RPS6KA6: variants seen among roughly 807,000 people sequenced by gnomAD.
The protein encoded by RPS6KA6 is ribosomal protein S6 kinase alpha-6.
Under a neutral mutation model 65.4 loss-of-function variants are expected in RPS6KA6, and 27 were observed. The ratio of observed to expected loss-of-function variants is 0.41; its 90% CI spans 0.30 to 0.57. The LOEUF (loss-of-function observed/expected upper bound fraction) is 0.57. Among genes scored for constraint, RPS6KA6 ranks in the 20% least tolerant of loss-of-function variants. The pLI is 0.24. For synonymous variants in RPS6KA6, 190 were observed against 184.2 expected (o/e 1.03, Z -0.26); for missense variants, 486 against 555.6 (o/e 0.87, Z 1.26).
intron 8 of RPS6KA6, among the ~76,000 whole-genome samples, chrX:84,125,554 C>T (rs990060606): frequency 2.9e-4 from 32 of 111,039 alleles, no homozygotes; most frequent in African/African-American, 1.0e-3. Flanking sequence ...AACAGATATG[C>T]AAAAAATAAA....
At chrX:84,148,868 A>G (rs1429389962) in intron 3 of RPS6KA6, among the ~76,000 whole-genome samples, 1 of 111,300 alleles carries the variant, frequency 9.0e-6, no homozygotes, top group African/African-American at 3.3e-5. Context: ...ATTTCCTAAA[A>G]TAAGACAATG....
chrX:84,121,070 T>A (rs2034663021), intron 8 of RPS6KA6, among the ~76,000 whole-genome samples: 2 of 112,543 alleles, frequency 1.8e-5, no homozygotes, highest in African/African-American at 6.4e-5. Context: ...GCAATTGATA[T>A]CTTAGCAAAC....
intron 20 of RPS6KA6, among the ~76,000 whole-genome samples, chrX:84,085,284 G>A (rs181931072): frequency 1.9e-4 from 21 of 111,558 alleles, no homozygotes; most frequent in Admixed American, 1.6e-3. Flanking sequence ...TGTTTTCAAG[G>A]GGAATTCTTC....
chrX:84,067,888 A>G (rs1361319149), intron 20 of RPS6KA6, among the ~76,000 whole-genome samples: 1 of 112,074 alleles, frequency 8.9e-6, no homozygotes, highest in African/African-American at 3.2e-5. Flanking sequence ...GTTAACCTAC[A>G]AAGGGAAGCT....
At chrX:84,180,524 ATT>A (rs1441503708) in intron 1 of RPS6KA6, among the ~76,000 whole-genome samples, 41 of 111,647 alleles carry the variant, frequency 3.7e-4, no homozygotes, top group Admixed American at 3.8e-4. Flanking sequence ...CATTGTCTTT[ATT>A]ATAGTTACAT....
At chrX:84,156,050 A>C (rs2035410979) in intron 3 of RPS6KA6, 25 bp downstream of exon 3, 1 of 927,177 alleles carries the variant, frequency 1.1e-6, no homozygotes, top group African/African-American at 1.9e-5. Context: ...AAGAGGAACA[A>C]ATGGGGAAAA....
intron 1 of RPS6KA6, among the ~76,000 whole-genome samples, chrX:84,165,745 C>T (rs912916738): frequency 5.4e-5 from 6 of 110,869 alleles, no homozygotes; most frequent in African/African-American, 2.0e-4. Context: ...GAAAAGAGGT[C>T]CCTTTTATAA....
chrX:84,117,539 T>C (rs1009276979), intron 9 of RPS6KA6, 85 bp from the exon 10 acceptor site: 2 of 524,128 alleles, frequency 3.8e-6, no homozygotes, highest in East Asian at 8.3e-5. Context: ...CTGAGACTTC[T>C]ATATAATCAT....
intron 20 of RPS6KA6, among the ~76,000 whole-genome samples, chrX:84,089,180 C>T: frequency 8.9e-6 from 1 of 112,287 alleles, no homozygotes; most frequent in South Asian, 3.7e-4. Context: ...GGCACAGCTG[C>T]TGTGCTGCTT....
chrX:84,166,547 GA>G (rs1416215143), intron 1 of RPS6KA6, among the ~76,000 whole-genome samples: 12 of 111,324 alleles, frequency 1.1e-4, no homozygotes, highest in Non-Finnish European at 1.9e-5. Context: ...CCAATATGAA[GA>G]AAAGAGTGAA....
At chrX:84,122,288 A>G (rs1025333860) in intron 8 of RPS6KA6, among the ~76,000 whole-genome samples, 2 of 109,681 alleles carry the variant, frequency 1.8e-5, no homozygotes, top group Non-Finnish European at 3.8e-5. Context: ...CTGCCCTGTT[A>G]CAGCAGACAG....
intron 1 of RPS6KA6, among the ~76,000 whole-genome samples, chrX:84,167,501 G>A (rs934243469): frequency 1.8e-5 from 2 of 111,638 alleles, no homozygotes; most frequent in Non-Finnish European, 3.8e-5. Context: ...AAACTGTAGG[G>A]AAAGAATAAA....
At chrX:84,157,239 A>G (rs2147587225) in intron 2 of RPS6KA6, among the ~76,000 whole-genome samples, 1 of 111,513 alleles carries the variant, frequency 9.0e-6, no homozygotes, top group South Asian at 3.8e-4. Context: ...GGGGGTACCT[A>G]GGCAAAGAAA....
chrX:84,162,648 T>C (rs961963076), intron 2 of RPS6KA6, among the ~76,000 whole-genome samples: 23 of 112,103 alleles, frequency 2.1e-4, no homozygotes, highest in African/African-American at 7.5e-4. Flanking sequence ...GTCCTTGAGT[T>C]TATGCACCAC....
chrX:84,079,461 C>T (rs1335132357), intron 20 of RPS6KA6, among the ~76,000 whole-genome samples: 1 of 107,579 alleles, frequency 9.3e-6, no homozygotes, highest in Admixed American at 1.0e-4. Flanking sequence ...ATGCCTGGAA[C>T]GCCAGCAAGA....
intron 1 of RPS6KA6, among the ~76,000 whole-genome samples, chrX:84,169,455 C>A (rs1461990186): frequency 9.1e-6 from 1 of 110,430 alleles, no homozygotes; most frequent in Non-Finnish European, 1.9e-5. Context: ...CTTTCAGATC[C>A]TTGGAATTGG....
At position 84,117,462 on chromosome X, in the gene RPS6KA6, A is replaced by G; in HGVS notation, c.790-8T>C. On this transcript the variant is annotated splice_polypyrimidine_tract_variant and splice_region_variant and intron_variant, in intron 9 of 21. Coordinates refer to ENST00000262752, the MANE Select transcript of RPS6KA6 (RefSeq NM_014496.5). The stretch of plus-strand genomic sequence containing the variant: ...ACCAGTAAGCATTTCAAACTAAAAC[A>G]AACAAACAAAACACACCACACAATT... The G allele has an allele frequency of 9.1e-7, 1 of 1,093,187 alleles. No homozygotes were observed. The allele number at this position is 1,093,187 out of a possible 1,213,427, so 90.1% of individuals were successfully genotyped here.
At chrX:84,119,159 A>G (rs970576335) in intron 9 of RPS6KA6, among the ~76,000 whole-genome samples, 1 of 111,695 alleles carries the variant, frequency 9.0e-6, no homozygotes, top group Non-Finnish European at 1.9e-5. Context: ...AGCTACTCCA[A>G]TTGAAAAAGA....
intron 6 of RPS6KA6, among the ~76,000 whole-genome samples, chrX:84,143,303 C>A (rs951326017): frequency 8.1e-5 from 9 of 111,038 alleles, no homozygotes; most frequent in Admixed American, 2.9e-4. Context: ...TTACAGAAAA[C>A]TTTCTCAACC....
Sources: allele counts gnomAD v4.1 joint callset (sites outside exome capture counted in the v4.1 genomes callset), GRCh38; gene constraint gnomAD v4.1.1; transcripts MANE v1.5; gene names NCBI Gene and HGNC (gene_info 2026-07-23, HGNC 2026-07-21).